Variants in NT5DC1 observed in about 807,000 individuals in gnomAD.
The protein encoded by NT5DC1 is 5'-nucleotidase domain-containing protein 1.
Under a neutral mutation model 59.4 loss-of-function variants are expected in NT5DC1, and 42 were observed. The observed-to-expected ratio is 0.71, with a 90% CI of 0.55 to 0.92. The LOEUF (loss-of-function observed/expected upper bound fraction) is 0.92. Ranked by LOEUF, NT5DC1 falls within the 40% of genes least tolerant of loss-of-function variation. The pLI, the probability that NT5DC1 is intolerant of heterozygous loss-of-function variation, is 0.00. For missense variants in NT5DC1, 501 were observed against 537.1 expected (o/e 0.93, Z 0.66); for synonymous variants, 172 against 188.1 (o/e 0.91, Z 0.70).
chr6:116,238,464 TAAAAAA>T (rs56266433), intron 10 of NT5DC1, 116 bp downstream of exon 10: 38 of 257,686 alleles, frequency 1.5e-4, no homozygotes, highest in Admixed American at 1.8e-4. Context: ...ACCATCATGT[TAAAAAA>T]AAAAAAAAAA....
intron 6 of NT5DC1, among the ~76,000 whole-genome samples, chr6:116,132,173 G>T (rs1294293048): frequency 6.6e-6 from 1 of 152,108 alleles, no homozygotes; most frequent in Admixed American, 6.6e-5. Context: ...GTCTTTGGGA[G>T]AGAGTCATAG....
intron 6 of NT5DC1, among the ~76,000 whole-genome samples, chr6:116,156,206 T>C (rs1238423786): frequency 2.0e-5 from 3 of 152,210 alleles, no homozygotes; most frequent in Non-Finnish European, 4.4e-5. Flanking sequence ...CATTTGTCCC[T>C]GTTTTCTTGT....
intron 6 of NT5DC1, among the ~76,000 whole-genome samples, chr6:116,190,810 G>A (rs1016400686): frequency 6.6e-6 from 1 of 151,992 alleles, no homozygotes; most frequent in Non-Finnish European, 1.5e-5. Context: ...AGGTCTGCTG[G>A]ATTTCAGTAA....
At chr6:116,236,149 T>C (rs1314484325) in intron 8 of NT5DC1, among the ~76,000 whole-genome samples, 1 of 152,104 alleles carries the variant, frequency 6.6e-6, no homozygotes, top group Non-Finnish European at 1.5e-5. Context: ...AATCATACAG[T>C]TGATGTGAGA....
chr6:116,130,626 A>C (rs1243592664), intron 6 of NT5DC1, among the ~76,000 whole-genome samples: 1 of 152,102 alleles, frequency 6.6e-6, no homozygotes, highest in Non-Finnish European at 1.5e-5. Flanking sequence ...CATTCTATCT[A>C]GTGAACAGCT....
At chr6:116,230,027 T>C (rs1211817261) in intron 8 of NT5DC1, among the ~76,000 whole-genome samples, 1 of 152,174 alleles carries the variant, frequency 6.6e-6, no homozygotes, top group Non-Finnish European at 1.5e-5. Flanking sequence ...AACCATCCAT[T>C]AGAATTCTCC....
chr6:116,213,997 G>T (rs1562167774), intron 6 of NT5DC1, among the ~76,000 whole-genome samples: 1 of 152,064 alleles, frequency 6.6e-6, no homozygotes, highest in African/African-American at 2.4e-5. Flanking sequence ...AAGTAGCTGG[G>T]ACTATAGGCA....
intron 6 of NT5DC1, among the ~76,000 whole-genome samples, chr6:116,133,511 T>C (rs895583085): frequency 6.6e-6 from 1 of 152,148 alleles, no homozygotes; most frequent in African/African-American, 2.4e-5. Flanking sequence ...GAATATTAAG[T>C]ACCTATAGGG....
intron 3 of NT5DC1, chr6:116,110,637 C>T: frequency 1.6e-6 from 1 of 640,972 alleles, no homozygotes; most frequent in South Asian, 1.7e-5. Flanking sequence ...CTCCTAATCA[C>T]CTGCTACTTG....
chr6:116,209,693 G>GT (rs1479908342), intron 6 of NT5DC1, among the ~76,000 whole-genome samples: 1 of 151,050 alleles, frequency 6.6e-6, no homozygotes, highest in Non-Finnish European at 1.5e-5. Flanking sequence ...TTTATTTGGG[G>GT]TTTTTTTTCC....
chr6:116,165,720 C>T (rs750093977), intron 6 of NT5DC1, among the ~76,000 whole-genome samples: 3 of 152,186 alleles, frequency 2.0e-5, no homozygotes, highest in African/African-American at 4.8e-5. Flanking sequence ...TCTTAGTGGG[C>T]CGCACTTCCC....
At chr6:116,154,105 T>G (rs1780121323) in intron 6 of NT5DC1, among the ~76,000 whole-genome samples, 1 of 150,814 alleles carries the variant, frequency 6.6e-6, no homozygotes, top group Non-Finnish European at 1.5e-5. Context: ...TGTTAAAACA[T>G]GGCTCTCAAA....
intron 8 of NT5DC1, among the ~76,000 whole-genome samples, chr6:116,224,008 TATATAA>T (rs1161420077): frequency 1.3e-5 from 2 of 152,154 alleles, no homozygotes; most frequent in Non-Finnish European, 2.9e-5. Flanking sequence ...ATGCAAAATA[TATATAA>T]GTGTCCACCA....
chr6:116,196,787 A>G (rs1335543735), intron 6 of NT5DC1, among the ~76,000 whole-genome samples: 3 of 151,638 alleles, frequency 2.0e-5, no homozygotes, highest in African/African-American at 4.8e-5. Context: ...TTCCTCTTCT[A>G]CTTGTGCAGC....
chr6:116,159,108 G>C (rs1252340222), intron 6 of NT5DC1, among the ~76,000 whole-genome samples: 1 of 152,096 alleles, frequency 6.6e-6, no homozygotes, highest in Non-Finnish European at 1.5e-5. Flanking sequence ...GCAATGTTAT[G>C]GAATTCCACA....
At chr6:116,200,711 T>G (rs1781330334) in intron 6 of NT5DC1, among the ~76,000 whole-genome samples, 1 of 151,970 alleles carries the variant, frequency 6.6e-6, no homozygotes, top group Non-Finnish European at 1.5e-5. Flanking sequence ...GGGTGATATT[T>G]AATGTCCTTA....
intron 6 of NT5DC1, among the ~76,000 whole-genome samples, chr6:116,184,109 A>G (rs1301183212): frequency 3.3e-5 from 5 of 152,098 alleles, no homozygotes; most frequent in Non-Finnish European, 7.4e-5. Context: ...TTAATCATAA[A>G]GAGATGCTGG....
chr6:116,151,700 TC>T (rs1169410237), intron 6 of NT5DC1, among the ~76,000 whole-genome samples: 5 of 152,226 alleles, frequency 3.3e-5, no homozygotes, highest in African/African-American at 1.2e-4. Context: ...TATTTCTCTT[TC>T]CCACTTATAA....
At chr6:116,137,023 C>CCA (rs1450930577) in intron 6 of NT5DC1, 2 of 179,886 alleles carry the variant, frequency 1.1e-5, no homozygotes, top group Admixed American at 5.4e-5. Flanking sequence ...CTGGGCCTTT[C>CCA]CACACCACTG....
Sources: allele counts gnomAD v4.1 joint callset (sites outside exome capture counted in the v4.1 genomes callset), GRCh38; gene constraint gnomAD v4.1.1; transcripts MANE v1.5; gene names NCBI Gene and HGNC (gene_info 2026-07-23, HGNC 2026-07-21).